Variants in GRB10 observed in about 807,000 individuals in gnomAD.
GRB10 encodes the protein growth factor receptor bound protein 10.
A neutral mutation model predicts 80.9 loss-of-function variants in GRB10; 20 were observed. The observed-to-expected ratio is 0.25, with a 90% CI of 0.17 to 0.36. The LOEUF is 0.36. Among genes scored for constraint, GRB10 ranks in the 10% least tolerant of loss-of-function variants. GRB10 has a pLI of 1.00. For missense variants in GRB10, 548 were observed against 747.7 expected, an observed-to-expected ratio of 0.73 and a Z score of 3.12; for synonymous variants, 291 against 291.5, an observed-to-expected ratio of 1.00 and a Z score of 0.02.
At chr7:50,624,490 C>T (rs945380453) in intron 8 of GRB10, among the ~76,000 whole-genome samples, 2 of 152,220 alleles carry the variant, frequency 1.3e-5, no homozygotes, top group Admixed American at 1.3e-4. Context: ...TTTAGTTAAA[C>T]AGCAACTTAA....
At chr7:50,768,662 A>AC (rs1287564061) in intron 2 of GRB10, among the ~76,000 whole-genome samples, 1 of 152,166 alleles carries the variant, frequency 6.6e-6, no homozygotes, top group Non-Finnish European at 1.5e-5. Flanking sequence ...ACCAAACTTC[A>AC]CCCATTGGTC....
intron 3 of GRB10, among the ~76,000 whole-genome samples, chr7:50,755,481 C>T (rs184869040): frequency 6.6e-6 from 1 of 152,282 alleles, no homozygotes; most frequent in East Asian, 1.9e-4. Flanking sequence ...GTGTTCTAGC[C>T]CACCTTCAGA....
rs192060723 is a variant in GRB10 at position 50,731,909 on chromosome 7, G to A, written c.51+363C>T. Among the ~76,000 whole-genome samples, 7 of 152,322 alleles carry A rather than the reference G, an allele frequency of 4.6e-5. No homozygotes were observed. In the East Asian group the frequency reaches 7.7e-4, roughly 17 times the overall value. On this transcript the variant is annotated intron_variant, in intron 4 of 18. Transcript: ENST00000401949. ...GACAACCACCATCACTGCAGAACCC[G>A]TCATCAGGAGTGTCTGGCCCGACCC...
chr7:50,773,635 T>C (rs1465036309), intron 2 of GRB10, among the ~76,000 whole-genome samples: 1 of 152,158 alleles, frequency 6.6e-6, no homozygotes, highest in Non-Finnish European at 1.5e-5. Flanking sequence ...GAAAACAGTT[T>C]GGCAGTTCCT....
intron 4 of GRB10, among the ~76,000 whole-genome samples, chr7:50,704,757 A>G (rs1411636405): frequency 1.3e-5 from 2 of 152,196 alleles, no homozygotes; most frequent in Non-Finnish European, 2.9e-5. Context: ...AGCACGTGAA[A>G]CATCCAACAT....
At chr7:50,662,117 G>A (rs1474713789) in intron 7 of GRB10, among the ~76,000 whole-genome samples, 2 of 152,216 alleles carry the variant, frequency 1.3e-5, no homozygotes, top group East Asian at 3.9e-4. Context: ...CAATGTTGTG[G>A]AGTTGGAGTC....
intron 7 of GRB10, among the ~76,000 whole-genome samples, chr7:50,652,279 T>G (rs1244601818): frequency 6.6e-6 from 1 of 152,186 alleles, no homozygotes; most frequent in Non-Finnish European, 1.5e-5. Flanking sequence ...GTTAAGTACC[T>G]GAGACCTGGT....
chr7:50,676,337 G>C (rs922422869), intron 5 of GRB10, among the ~76,000 whole-genome samples: 1 of 9,002 alleles, frequency 1.1e-4, no homozygotes, highest in Non-Finnish European at 2.0e-4. Flanking sequence ...CACCCCACCG[G>C]GGGGGGGGGG....
chr7:50,641,283 G>C (rs1375154209), intron 7 of GRB10, among the ~76,000 whole-genome samples: 1 of 151,706 alleles, frequency 6.6e-6, no homozygotes, highest in Non-Finnish European at 1.5e-5. Context: ...AAAAGGTGGG[G>C]GGGTAGCCTT....
chr7:50,593,244 C>T lies in GRB10; in HGVS notation c.1639-146G>A, dbSNP rs116456372. ...AAGGTAGGCTAGAAAACACCAGGGG[C>T]GGGAAAGACGGGAGCAGAGGATGTG... On this transcript the variant is annotated intron_variant, in intron 18 of 18. Coordinates refer to ENST00000401949, the MANE Select transcript of GRB10 (RefSeq NM_001350814.2). 8.3e-3 allele frequency: 7,102 copies of T among 860,442 alleles called. 303 individuals carry two copies. In the African/African-American group the frequency reaches 0.099, roughly 12 times the overall value. The allele number at this position is 860,442 out of a possible 1,614,324, so 53.3% of individuals were successfully genotyped here. A position where few individuals can be genotyped will look rare whatever the true frequency, so the allele number is the denominator to read the frequency against.
At chr7:50,594,619 G>A (rs111286526) in intron 18 of GRB10, among the ~76,000 whole-genome samples, 126 of 152,266 alleles carry the variant, frequency 8.3e-4, no homozygotes, top group Admixed American at 1.7e-3. Flanking sequence ...ATCATTACCT[G>A]CAGAATTTAT....
rs771983239 is a variant in GRB10, at chr7:50,674,632, C to T, written c.166G>A (p.Val56Met). Residue 56 changes from valine to methionine, a missense_variant, in exon 6 of 19, where the codon GTG becomes ATG. Physicochemically the swap from Val to Met is conservative, Grantham distance 21 (BLOSUM62 1). Transcript: ENST00000401949. ...TCCAGGGATGCATTCATATCGTTCA[C>T]CAGGGCTTCCAGGTCCACATCATCC... ...QEDDVDLEAL[V>M]NDMNASLESL... 1.9e-6 allele frequency: 3 copies of T among 1,613,834 alleles called. No homozygotes were observed. The highest frequency in any genetic ancestry group is 1.1e-5 in the South Asian group (1 of 91,090).
At chr7:50,637,750 C>T (rs1383088484) in intron 7 of GRB10, among the ~76,000 whole-genome samples, 2 of 150,280 alleles carry the variant, frequency 1.3e-5, no homozygotes, top group African/African-American at 4.9e-5. Flanking sequence ...ATAGCCACAG[C>T]AATTCTAAGC....
rs923897585 is a variant in GRB10 at position 50,632,719 on chromosome 7, T to C, written c.505-5741A>G. Among the ~76,000 whole-genome samples, 6 of 151,890 alleles carry C rather than the reference T, an allele frequency of 4.0e-5. No homozygotes were observed. The East Asian group carries it at 7.7e-4, about 20-fold the overall frequency. ...GGATGCTGGAGGGAGAACCACAGGG[T>C]TGGGGGAGTGTGAGCTGGCAGTCTC... is the stretch of plus-strand genomic sequence containing the variant. On this transcript the variant is annotated intron_variant, in intron 7 of 18. Transcript: ENST00000401949.
intron 5 of GRB10, among the ~76,000 whole-genome samples, chr7:50,685,325 A>G (rs2061992938): frequency 1.3e-5 from 2 of 152,352 alleles, no homozygotes; most frequent in Admixed American, 1.3e-4. Flanking sequence ...ACATAGCAAG[A>G]AAGGACAGGA....
intron 7 of GRB10, among the ~76,000 whole-genome samples, chr7:50,631,520 G>C (rs2054000833): frequency 6.6e-6 from 1 of 152,232 alleles, no homozygotes; most frequent in South Asian, 2.1e-4. Context: ...GCTCTTTTAG[G>C]ATGTAATGTA....
At chr7:50,679,285 T>G (rs894235427) in intron 5 of GRB10, among the ~76,000 whole-genome samples, 4 of 152,208 alleles carry the variant, frequency 2.6e-5, no homozygotes, top group Non-Finnish European at 5.9e-5. Context: ...GAAACACATT[T>G]GCATCGGGCT....
At chr7:50,787,021 AAAC>A (rs1588139994), upstream of GRB10, among the ~76,000 whole-genome samples, 2 of 152,240 alleles carry the variant, frequency 1.3e-5, no homozygotes, top group Non-Finnish European at 2.9e-5. Flanking sequence ...AACTAGGCAA[AAAC>A]AACTCCAGGA....
At chr7:50,654,637 T>A (rs1489964533) in intron 7 of GRB10, among the ~76,000 whole-genome samples, 1 of 152,262 alleles carries the variant, frequency 6.6e-6, no homozygotes, top group Admixed American at 6.5e-5. Flanking sequence ...ATAATTTGTT[T>A]AGCATTTTTA....
Sources: allele counts gnomAD v4.1 joint callset (sites outside exome capture counted in the v4.1 genomes callset), GRCh38; gene constraint gnomAD v4.1.1; transcripts MANE v1.5; gene names NCBI Gene and HGNC (gene_info 2026-07-23, HGNC 2026-07-21).